Variants in TRAPPC9 observed in about 807,000 individuals in gnomAD.
TRAPPC9 encodes trafficking protein particle complex subunit 9.
In TRAPPC9, 83 loss-of-function variants were observed where a neutral mutation model predicts 124.0. The ratio of observed to expected loss-of-function variants is 0.67; its 90% CI spans 0.56 to 0.80. The LOEUF is 0.80. Ranked by LOEUF, TRAPPC9 falls within the 30% of genes least tolerant of loss-of-function variation. The pLI, the probability that TRAPPC9 is intolerant of heterozygous loss-of-function variation, is 0.00. For synonymous variants in TRAPPC9, 638 were observed against 617.5 expected (o/e 1.03, Z -0.49); for missense variants, 1,302 against 1,508.3 (o/e 0.86, Z 2.27).
At chr8:139,834,002 AC>A (rs2130854586) in intron 21 of TRAPPC9, among the ~76,000 whole-genome samples, 1 of 152,134 alleles carries the variant, frequency 6.6e-6, no homozygotes, top group African/African-American at 2.4e-5. Flanking sequence ...TCGCTACCCA[AC>A]CCCTACCAGC....
chr8:139,935,173 G>A (rs1338708361), intron 19 of TRAPPC9, among the ~76,000 whole-genome samples: 1 of 152,194 alleles, frequency 6.6e-6, no homozygotes, highest in African/African-American at 2.4e-5. Flanking sequence ...ACTGATGTCT[G>A]CGTGCAGGAC....
intron 7 of TRAPPC9, among the ~76,000 whole-genome samples, chr8:140,374,101 A>G (rs1168571908): frequency 6.6e-6 from 1 of 152,232 alleles, no homozygotes; most frequent in East Asian, 1.9e-4. Context: ...CGAGGTCACA[A>G]AGATATCCTA....
chr8:140,108,897 T>C (rs189345384), intron 17 of TRAPPC9, among the ~76,000 whole-genome samples: 5 of 152,340 alleles, frequency 3.3e-5, no homozygotes, highest in African/African-American at 9.6e-5. Context: ...TAAGAATAGA[T>C]TGAAAACCAC....
At chr8:139,922,470 C>T (rs1211878155) in intron 19 of TRAPPC9, among the ~76,000 whole-genome samples, 2 of 152,246 alleles carry the variant, frequency 1.3e-5, no homozygotes, top group Non-Finnish European at 2.9e-5. Context: ...GCGTGAGCCA[C>T]CGCTCCTGGC....
Position 140,399,117 on chromosome 8 carries a change from GGAA to G in TRAPPC9, c.1009-1375_1009-1373del, listed in dbSNP as rs1186483787. On this transcript the variant is annotated intron_variant, in intron 6 of 22. Coordinates refer to ENST00000438773, the MANE Select transcript of TRAPPC9 (RefSeq NM_001160372.4). ...CACCGAAGTCAATAACTGAAGTTTG[GGAA>G]GTTTCCGCCTAGATTTCAGGAGATG... 9.8e-5 allele frequency among the ~76,000 whole-genome samples: 15 copies of G among 152,366 alleles called. No individual in the cohort carries two copies. In the East Asian group the frequency reaches 2.9e-3, roughly 29 times the overall value.
chr8:140,125,589 T>A (rs981158628), intron 17 of TRAPPC9, among the ~76,000 whole-genome samples: 1 of 62,268 alleles, frequency 1.6e-5, no homozygotes, highest in African/African-American at 5.4e-5. Context: ...ATCTCATTCT[T>A]TTTTTTTTTT....
At chr8:140,074,463 A>G (rs1392201363) in intron 17 of TRAPPC9, among the ~76,000 whole-genome samples, 1 of 152,196 alleles carries the variant, frequency 6.6e-6, no homozygotes, top group Admixed American at 6.5e-5. Context: ...CACTTCATCA[A>G]CATCTGCTTC....
intron 17 of TRAPPC9, among the ~76,000 whole-genome samples, chr8:140,177,337 G>A (rs182315847): frequency 1.4e-4 from 21 of 152,114 alleles, no homozygotes; most frequent in Admixed American, 2.6e-4. Context: ...GTTAAGGGTC[G>A]GAGTTAATTT....
intron 18 of TRAPPC9, among the ~76,000 whole-genome samples, chr8:140,017,654 G>GT (rs1260389602): frequency 6.6e-6 from 1 of 152,162 alleles, no homozygotes; most frequent in East Asian, 1.9e-4. Context: ...ATCATACAGT[G>GT]TAAGTCCTCC....
intron 17 of TRAPPC9, among the ~76,000 whole-genome samples, chr8:140,187,892 C>T (rs2062387835): frequency 6.6e-6 from 1 of 152,154 alleles, no homozygotes; most frequent in Admixed American, 6.5e-5. Context: ...CCAGGCTGGT[C>T]TCAACTTCTG....
intron 21 of TRAPPC9, among the ~76,000 whole-genome samples, chr8:139,818,628 A>T (rs1020895027): frequency 6.6e-6 from 1 of 152,154 alleles, no homozygotes; most frequent in Non-Finnish European, 1.5e-5. Flanking sequence ...GTGCTGGTAT[A>T]TGTTTAACAA....
chr8:139,949,955 G>C (rs1834532630), intron 19 of TRAPPC9, among the ~76,000 whole-genome samples: 1 of 152,226 alleles, frequency 6.6e-6, no homozygotes, highest in African/African-American at 2.4e-5. Flanking sequence ...AACTGTTATT[G>C]ATTATACATG....
At chr8:140,272,336 T>G (rs1227589560) in intron 15 of TRAPPC9, among the ~76,000 whole-genome samples, 4 of 122,828 alleles carry the variant, frequency 3.3e-5, no homozygotes, top group South Asian at 2.6e-4. Flanking sequence ...GATGGTGGTT[T>G]TGGTGGTCAC....
intron 17 of TRAPPC9, among the ~76,000 whole-genome samples, chr8:140,044,905 C>T (rs190773084): frequency 7.1e-4 from 108 of 152,258 alleles, no homozygotes; most frequent in African/African-American, 2.1e-3. Flanking sequence ...ATAACTTACA[C>T]GCAGTAATAT....
At position 140,087,981 on chromosome 8, in the gene TRAPPC9, G is replaced by A. The variant is rs2130121973; in HGVS notation, c.2557-63902C>T. On this transcript the variant is annotated intron_variant, in intron 17 of 22. Transcript: ENST00000438773. This position sits in a 1 kb window ranked among gnomAD's most constrained non-coding sequence, Gnocchi z 4.6. ...GCTGTGATTTCTGCTTGGAAGATGT[G>A]GCTTACCAGAGCCCCTAGCTCTTTA... Among the ~76,000 whole-genome samples, 1 of 151,976 alleles carries A rather than the reference G, an allele frequency of 6.6e-6. No individual in the cohort carries two copies. The highest frequency in any genetic ancestry group is 1.9e-4 in the East Asian group (1 of 5,154).
intron 16 of TRAPPC9, among the ~76,000 whole-genome samples, chr8:140,233,161 C>G (rs1292055068): frequency 1.3e-5 from 2 of 151,978 alleles, no homozygotes; most frequent in Non-Finnish European, 2.9e-5. Context: ...CAAAATGTTT[C>G]TTCTGCACAA....
At chr8:140,116,789 T>G (rs2060894948) in intron 17 of TRAPPC9, among the ~76,000 whole-genome samples, 1 of 152,018 alleles carries the variant, frequency 6.6e-6, no homozygotes, top group Non-Finnish European at 1.5e-5. Flanking sequence ...AGAGGTTCCC[T>G]ACAGGTGGGG....
At chr8:140,326,837 T>A (rs952638088) in intron 9 of TRAPPC9, among the ~76,000 whole-genome samples, 3 of 152,176 alleles carry the variant, frequency 2.0e-5, no homozygotes, top group African/African-American at 7.2e-5. Context: ...GTCCTGATTG[T>A]GCCACTGAAC....
intron 17 of TRAPPC9, among the ~76,000 whole-genome samples, chr8:140,030,939 T>C (rs1242787555): frequency 6.6e-6 from 1 of 152,218 alleles, no homozygotes; most frequent in African/African-American, 2.4e-5. Flanking sequence ...GGTGGTTACA[T>C]GGAGTATATA....
Sources: allele counts gnomAD v4.1 joint callset (sites outside exome capture counted in the v4.1 genomes callset), GRCh38; gene constraint gnomAD v4.1.1; non-coding constraint Gnocchi (gnomAD v3.1); transcripts MANE v1.5; gene names NCBI Gene and HGNC (gene_info 2026-07-23, HGNC 2026-07-21).